The following HAX1 variants were observed in gnomAD, a reference collection of about 807,000 sequenced individuals.
The protein encoded by HAX1 is HCLS1-associated protein X-1.
In HAX1, 27 loss-of-function variants were observed where a neutral mutation model predicts 31.1. The observed-to-expected ratio is 0.87, with a 90% CI of 0.64 to 1.20. The LOEUF (loss-of-function observed/expected upper bound fraction) is 1.20, where lower values mean the gene tolerates loss of function less well. Among genes scored for constraint, HAX1 ranks in the 50% most tolerant of loss-of-function variants. The probability of loss-of-function intolerance (pLI) is 0.00; values close to 1 mark genes in which losing one functional copy is unlikely to be tolerated. For missense variants in HAX1, 357 were observed against 361.6 expected (o/e 0.99, Z 0.10); for synonymous variants, 114 against 124.1 (o/e 0.92, Z 0.54).
chr1:154,274,418 T>C (rs899032845), intron 3 of HAX1, among the ~76,000 whole-genome samples: 7 of 152,130 alleles, frequency 4.6e-5, no homozygotes, highest in African/African-American at 1.7e-4. Context: ...AGCTAATTTT[T>C]GTGTTTTTAG....
At chr1:154,275,540 C>A in intron 6 of HAX1, 57 bp downstream of exon 6, 1 of 1,571,716 alleles carries the variant, frequency 6.4e-7, no homozygotes, top group Non-Finnish European at 8.8e-7. Flanking sequence ...GGAAATCTTA[C>A]TCTTCTACCC....
At position 154,272,830 on chromosome 1, in the gene HAX1, C is replaced by T. The variant is rs537397732; in HGVS notation, c.53+54C>T. 277 of 1,494,712 alleles carry T rather than the reference C, an allele frequency of 1.9e-4. 1 individual carries two copies. The South Asian group carries it at 2.6e-3, about 14-fold the overall frequency. 92.6% of individuals were successfully genotyped at this position (1,494,712 alleles called of 1,614,324 possible). A position where few individuals can be genotyped will look rare whatever the true frequency, so the allele number is the denominator to read the frequency against. On this transcript the variant is annotated intron_variant, in intron 1 of 6. Coordinates refer to ENST00000328703, the MANE Select transcript of HAX1 (RefSeq NM_006118.4). The stretch of plus-strand genomic sequence containing the variant: ...TGGGGGTCGTCTGAGGGGAGCTTGA[C>T]CCCTACGTCTTATTTTTGGAAAAAC...
intron 1 of HAX1, 26 bp downstream of exon 1, chr1:154,272,802 G>C: frequency 2.5e-6 from 4 of 1,609,214 alleles, no homozygotes; most frequent in Non-Finnish European, 2.6e-6. Context: ...GCTCGGACAA[G>C]GGTGGGGGTC....
At position 154,275,433 on chromosome 1, in the gene HAX1, G is replaced by T. The variant is rs139138892; in HGVS notation, c.704G>T (p.Arg235Leu). 7 of 1,614,112 alleles carry T rather than the reference G, an allele frequency of 4.3e-6. No individual in the cohort carries two copies. The highest frequency in any genetic ancestry group is 5.9e-6 in the Non-Finnish European group (7 of 1,179,996). The change falls in exon 6 of 7, where the codon CGG becomes CTG. Residue 235 changes from arginine to leucine, a missense_variant. Transcript: ENST00000328703. ...ERRTVVDSEG[R>L]TETTVTRHEA... Reference sequence around the variant, plus strand: ...CGGACTGTGGTGGACAGTGAGGGCCGGACAGAGACTACAGTAACCCGACAC... The same window carrying T: ...CGGACTGTGGTGGACAGTGAGGGCCTGACAGAGACTACAGTAACCCGACAC...
chr1:154,274,908 G>T, intron 3 of HAX1, 42 bp from the exon 4 acceptor site: 1 of 1,484,288 alleles, frequency 6.7e-7, no homozygotes, highest in Non-Finnish European at 9.4e-7. Flanking sequence ...TCAAATTTCA[G>T]ATTGGAAGGA....
In HAX1 at chr1:154,273,810, G is replaced by A. The variant is rs1268718433; in HGVS notation, c.353G>A (p.Arg118Lys). Residue 118 changes from arginine to lysine, a missense_variant, in exon 3 of 7, where the codon AGA becomes AAA. Coordinates refer to ENST00000328703, the MANE Select transcript of HAX1 (RefSeq NM_006118.4). ...CCTGAGTCAGAGACACCTGGTGAGAGACTACGGGAGGGACAGACACTTCGG... is the reference window on the plus strand; with the variant it reads ...CCTGAGTCAGAGACACCTGGTGAGAAACTACGGGAGGGACAGACACTTCGG... ...PGPESETPGERLREGQTLRDS... is the reference protein window; with the variant it reads ...PGPESETPGEKLREGQTLRDS... The A allele has an allele frequency of 1.2e-6, 2 of 1,614,164 alleles. No homozygotes were observed. Among genetic ancestry groups the A allele is most frequent in the Admixed American group, 3.3e-5 (2 of 60,018 alleles).
Position 154,273,786 on chromosome 1 carries a change from C to T in HAX1, c.329C>T (p.Pro110Leu). 6.2e-7 allele frequency: 1 copy of T among 1,614,150 alleles called. No homozygotes were observed. Among genetic ancestry groups the T allele is most frequent in the Non-Finnish European group, 8.5e-7 (1 of 1,180,008 alleles). Residue 110 changes from proline to leucine, a missense_variant, in exon 3 of 7, where the codon CCT becomes CTT. Physicochemically the swap from Pro to Leu is moderately conservative, Grantham distance 98 (BLOSUM62 -3). Transcript: ENST00000328703. ...LPSHPPELPG[P>L]ESETPGERLR... is the part of the protein sequence containing the mutation. ...CACCTTTCTGCAGAACTTCCAGGTC[C>T]TGAGTCAGAGACACCTGGTGAGAGA...
In HAX1 at chr1:154,273,956, C is replaced by T. The variant is rs779743381; in HGVS notation, c.499C>T (p.His167Tyr). The T allele has an allele frequency of 1.2e-6, 2 of 1,613,514 alleles. No individual in the cohort carries two copies. Among genetic ancestry groups the T allele is most frequent in the South Asian group, 2.2e-5 (2 of 91,076 alleles). ...AGACTGGGGCTCCCAGAGGCCATTT[C>T]ATAGGGTGAGTATCCCATCTGGTCC... ...APDWGSQRPF[H>Y]RFDDVWPMDP... Residue 167 changes from histidine to tyrosine, a missense_variant, in exon 3 of 7, where the codon CAT becomes TAT. By Grantham distance (83) the His-to-Tyr change is moderately conservative (BLOSUM62 2). Coordinates refer to ENST00000328703, the MANE Select transcript of HAX1 (RefSeq NM_006118.4).
Position 154,275,260 on chromosome 1 carries a change from G to C in HAX1, c.663G>C (p.Gly221=). 1.2e-6 allele frequency: 2 copies of C among 1,604,372 alleles called. No individual in the cohort carries two copies. Among genetic ancestry groups the C allele is most frequent in the South Asian group, 2.2e-5 (2 of 90,892 alleles). The part of the protein sequence containing the change: ...ISVTKITKPD[G]IVEERRTVVD... ...TGACCAAGATCACTAAACCAGATGG[G>C]GTGAGTTGAAAGAAAGAGGTAAAGG... The change falls in exon 5 of 7, where the codon GGG becomes GGC. Residue 221 remains glycine (G), a splice_region_variant and synonymous_variant. Transcript: ENST00000328703.
chr1:154,273,144 T>A (rs1261308088), intron 1 of HAX1, 192 bp from the exon 2 acceptor site: 13 of 636,698 alleles, frequency 2.0e-5, no homozygotes, highest in African/African-American at 2.0e-4. Context: ...GAGGTCTGAC[T>A]TTGATTAAAA....
Position 154,275,454 on chromosome 1 carries a change from G to T in HAX1, c.725G>T (p.Arg242Leu). Residue 242 changes from arginine to leucine, a missense_variant, in exon 6 of 7, where the codon CGA (arginine) becomes CTA (leucine). Coordinates refer to ENST00000328703, the MANE Select transcript of HAX1 (RefSeq NM_006118.4). ...GGCCGGACAGAGACTACAGTAACCC[G>T]ACACGAAGCAGATAGCAGTCCTAGG... ...SEGRTETTVT[R>L]HEADSSPRGD... The T allele has an allele frequency of 6.2e-7, 1 of 1,614,086 alleles. No individual in the cohort carries two copies. The highest frequency in any genetic ancestry group is 8.5e-7 in the Non-Finnish European group (1 of 1,179,974).
chr1:154,275,543 T>G, intron 6 of HAX1, 60 bp downstream of exon 6: 2 of 1,577,032 alleles, frequency 1.3e-6, no homozygotes, highest in Admixed American at 3.3e-5. Flanking sequence ...AATCTTACTC[T>G]TCTACCCTTG....
chr1:154,273,085 G>A (rs1684836098), intron 1 of HAX1: 1 of 602,018 alleles, frequency 1.7e-6, no homozygotes, highest in Admixed American at 3.0e-5. Flanking sequence ...AGGGACTGGG[G>A]CACACTGAAG....
At position 154,273,830 on chromosome 1, in the gene HAX1, C is replaced by A; in HGVS notation, c.373C>A (p.Leu125Ile). The stretch of plus-strand genomic sequence containing the variant: ...TGAGAGACTACGGGAGGGACAGACA[C>A]TTCGGGACTCAATGCTTAAGTATCC... Reference protein sequence around the residue: ...PGERLREGQTLRDSMLKYPDS... With the variant: ...PGERLREGQTIRDSMLKYPDS... The change falls in exon 3 of 7, where the codon CTT becomes ATT. Residue 125 changes from leucine (L) to isoleucine (I), a missense_variant. Coordinates refer to ENST00000328703, the MANE Select transcript of HAX1 (RefSeq NM_006118.4). The A allele has an allele frequency of 6.2e-7, 1 of 1,614,128 alleles. No homozygotes were observed. Among genetic ancestry groups the A allele is most frequent in the Non-Finnish European group, 8.5e-7 (1 of 1,179,980 alleles).
At chr1:154,274,017 G>T in intron 3 of HAX1, 56 bp downstream of exon 3, 1 of 1,495,052 alleles carries the variant, frequency 6.7e-7, no homozygotes, top group Non-Finnish European at 9.3e-7. Context: ...CTAATAAAGT[G>T]CAAAGACTGG....
intron 1 of HAX1, 139 bp from the exon 2 acceptor site, chr1:154,273,195 GTT>G (rs1433061401): frequency 2.6e-5 from 19 of 732,738 alleles, no homozygotes; most frequent in Non-Finnish European, 4.4e-5. Context: ...TTGTATTAAT[GTT>G]TTGATGTGGC....
chr1:154,274,070 G>A (rs1043044611), intron 3 of HAX1, 109 bp downstream of exon 3: 32 of 953,338 alleles, frequency 3.4e-5, no homozygotes, highest in Non-Finnish European at 4.7e-5. Context: ...CACTTTGGGA[G>A]GCCGAGGTGG....
At position 154,272,700 on chromosome 1, in the gene HAX1, A is replaced by C. The variant is rs1201890152; in HGVS notation, c.-24A>C. ...TGCGAATGGACCACTGGAGGGGTTCAAAGGTTCGCGTCCCAGTACGGGAAT... is the reference window on the plus strand; with the variant it reads ...TGCGAATGGACCACTGGAGGGGTTCCAAGGTTCGCGTCCCAGTACGGGAAT... On this transcript the variant is annotated 5_prime_UTR_variant, in exon 1 of 7. Coordinates refer to ENST00000328703, the MANE Select transcript of HAX1 (RefSeq NM_006118.4). The C allele has an allele frequency of 6.2e-7, 1 of 1,613,764 alleles. No individual in the cohort carries two copies. Among genetic ancestry groups the C allele is most frequent in the Non-Finnish European group, 8.5e-7 (1 of 1,179,834 alleles).
In HAX1 at chr1:154,273,881, G is replaced by A. The variant is rs969033259; in HGVS notation, c.424G>A (p.Gly142Arg). 14 of 1,613,816 alleles carry A rather than the reference G, an allele frequency of 8.7e-6. No individual in the cohort carries two copies. In the Admixed American group the frequency reaches 2.0e-4, roughly 23 times the overall value. ...AGATAGTCACCAGCCCAGGATCTTT[G>A]GGGGGGTCTTGGAGAGTGATGCAAG... Reference protein sequence around the residue: ...YPDSHQPRIFGGVLESDARSE... With the variant: ...YPDSHQPRIFRGVLESDARSE... The change falls in exon 3 of 7, where the codon GGG (glycine) becomes AGG (arginine). Residue 142 changes from glycine (G) to arginine (R), a missense_variant. By Grantham distance (125) the Gly-to-Arg change is moderately radical. Transcript: ENST00000328703.
Sources: allele counts gnomAD v4.1 joint callset (sites outside exome capture counted in the v4.1 genomes callset), GRCh38; gene constraint gnomAD v4.1.1; transcripts MANE v1.5; gene names NCBI Gene and HGNC (gene_info 2026-07-23, HGNC 2026-07-21).